CDH18: variants seen among roughly 807,000 people sequenced by gnomAD.
CDH18 encodes cadherin-18.
In CDH18, 31 loss-of-function variants were observed where a neutral mutation model predicts 67.9. The ratio of observed to expected loss-of-function variants is 0.46; its 90% CI spans 0.34 to 0.62. The LOEUF is 0.62. Among genes scored for constraint, CDH18 ranks in the 20% least tolerant of loss-of-function variants. The pLI is 0.01. For synonymous variants in CDH18, 362 were observed against 347.2 expected (o/e 1.04, Z -0.48); for missense variants, 890 against 975.5 (o/e 0.91, Z 1.17).
At chr5:19,655,303 T>A (rs1756193412) in intron 5 of CDH18, among the ~76,000 whole-genome samples, 1 of 152,112 alleles carries the variant, frequency 6.6e-6, no homozygotes, top group Non-Finnish European at 1.5e-5. Context: ...TCAAGAAGAA[T>A]TGCATTTGAA....
At chr5:19,916,806 T>G (rs1464296938) in intron 2 of CDH18, among the ~76,000 whole-genome samples, 10 of 152,202 alleles carry the variant, frequency 6.6e-5, no homozygotes, top group African/African-American at 2.2e-4. Context: ...ATAAAATAAT[T>G]GTAGCTATTT....
At chr5:20,376,424 G>A (rs141668289) in intron 1 of CDH18, among the ~76,000 whole-genome samples, 1 of 151,888 alleles carries the variant, frequency 6.6e-6, no homozygotes, top group East Asian at 2.0e-4. Flanking sequence ...TTGAGGAACT[G>A]GTTACTTTGG....
chr5:19,587,147 A>G (rs1188326007), intron 7 of CDH18, among the ~76,000 whole-genome samples: 1 of 152,006 alleles, frequency 6.6e-6, no homozygotes, highest in Non-Finnish European at 1.5e-5. Context: ...ATCTTCTCCC[A>G]TTCTGTATGT....
At chr5:19,676,860 G>C (rs148166402) in intron 5 of CDH18, among the ~76,000 whole-genome samples, 13 of 152,144 alleles carry the variant, frequency 8.5e-5, no homozygotes, top group African/African-American at 3.1e-4. Context: ...CACCACACTT[G>C]TTATTTAAGC....
chr5:20,386,787 C>T (rs896229269), intron 1 of CDH18, among the ~76,000 whole-genome samples: 1 of 151,984 alleles, frequency 6.6e-6, no homozygotes, highest in African/African-American at 2.4e-5. Flanking sequence ...TTGCTGAAAG[C>T]TACAGTTATC....
chr5:20,475,773 A>G (rs1014286619), intron 1 of CDH18, among the ~76,000 whole-genome samples: 1 of 152,172 alleles, frequency 6.6e-6, no homozygotes, highest in African/African-American at 2.4e-5. Context: ...TTTCTTGCCC[A>G]TTACATTAGA....
chr5:19,878,160 A>G (rs1470663100), intron 2 of CDH18: 1 of 152,000 alleles, frequency 6.6e-6, no homozygotes, highest in Non-Finnish European at 1.5e-5. Context: ...ATTTGAGGGG[A>G]ATTTCAACTT....
chr5:20,303,771 C>G (rs906929707), intron 1 of CDH18, among the ~76,000 whole-genome samples: 3 of 152,136 alleles, frequency 2.0e-5, no homozygotes, highest in African/African-American at 7.2e-5. Flanking sequence ...GAAGAAATCA[C>G]TTAGGGTTAG....
At chr5:20,200,026 A>G (rs1485325793) in intron 2 of CDH18, among the ~76,000 whole-genome samples, 1 of 152,128 alleles carries the variant, frequency 6.6e-6, no homozygotes, top group East Asian at 1.9e-4. Context: ...AGTCTTGGGT[A>G]TTTCTTCATA....
chr5:19,522,366 A>T (rs1456605727), intron 9 of CDH18, among the ~76,000 whole-genome samples: 1 of 152,186 alleles, frequency 6.6e-6, no homozygotes, highest in Non-Finnish European at 1.5e-5. Flanking sequence ...TGAAAGACCC[A>T]TATGCAGAAT....
chr5:20,020,568 C>T (rs1370388384), intron 2 of CDH18, among the ~76,000 whole-genome samples: 1 of 152,096 alleles, frequency 6.6e-6, no homozygotes, highest in East Asian at 1.9e-4. Flanking sequence ...TAAAGGGGCC[C>T]CAGATACATA....
At chr5:19,525,764 T>C (rs1399636722) in intron 9 of CDH18, among the ~76,000 whole-genome samples, 1 of 152,192 alleles carries the variant, frequency 6.6e-6, no homozygotes, top group Non-Finnish European at 1.5e-5. Context: ...GGTCTCTATA[T>C]ATTATTTCTT....
At chr5:20,421,310 G>T (rs1305588478) in intron 1 of CDH18, among the ~76,000 whole-genome samples, 6 of 150,836 alleles carry the variant, frequency 4.0e-5, no homozygotes, top group Non-Finnish European at 8.8e-5. Flanking sequence ...TCCTTGGCTA[G>T]CAGAGAACAC....
intron 5 of CDH18, among the ~76,000 whole-genome samples, chr5:19,695,454 G>C (rs931733759): frequency 3.3e-5 from 5 of 152,140 alleles, no homozygotes; most frequent in Non-Finnish European, 7.3e-5. Flanking sequence ...TGCTTATACA[G>C]CAGAAATAGC....
chr5:19,757,334 T>G (rs1771740811), intron 3 of CDH18, among the ~76,000 whole-genome samples: 1 of 152,158 alleles, frequency 6.6e-6, no homozygotes, highest in South Asian at 2.1e-4. Context: ...TGTCATCAGG[T>G]AGCTGGCTGA....
chr5:20,311,631 A>C (rs1737002278), intron 1 of CDH18, among the ~76,000 whole-genome samples: 1 of 152,016 alleles, frequency 6.6e-6, no homozygotes, highest in Non-Finnish European at 1.5e-5. Flanking sequence ...AACATCACAC[A>C]CTGGGCCTGT....
intron 2 of CDH18, among the ~76,000 whole-genome samples, chr5:20,044,128 T>C (rs1202109406): frequency 6.6e-6 from 1 of 151,954 alleles, no homozygotes; most frequent in African/African-American, 2.4e-5. Flanking sequence ...CAACAATTTG[T>C]ATTTTACAGT....
intron 1 of CDH18, among the ~76,000 whole-genome samples, chr5:20,490,053 A>G (rs1753492026): frequency 6.6e-6 from 1 of 150,642 alleles, no homozygotes; most frequent in Non-Finnish European, 1.5e-5. Flanking sequence ...TGAATATTCT[A>G]TAGATAAAAT....
intron 5 of CDH18, among the ~76,000 whole-genome samples, chr5:19,632,004 C>A (rs1752486633): frequency 6.6e-6 from 1 of 152,112 alleles, no homozygotes; most frequent in Non-Finnish European, 1.5e-5. Context: ...CATTTCCTTA[C>A]ATAATTTTCC....
Sources: gnomAD v4.1 joint callset for allele counts (sites outside exome capture counted in the v4.1 genomes callset) on GRCh38, gnomAD v4.1.1 for gene constraint, MANE v1.5 for transcripts, NCBI Gene and HGNC (gene_info 2026-07-23, HGNC 2026-07-21) for gene names.